CDH19: variants seen among roughly 807,000 people sequenced by gnomAD.
The protein encoded by CDH19 is cadherin 19.
CDH19 carries 67 observed loss-of-function variants against 64.2 expected under a neutral mutation model. The observed-to-expected ratio is 1.04, with a 90% CI of 0.86 to 1.28. The LOEUF (loss-of-function observed/expected upper bound fraction) is 1.28, where lower values mean the gene tolerates loss of function less well. Ranked by LOEUF, CDH19 falls within the 50% of genes most tolerant of loss-of-function variation. CDH19 has a pLI of 0.00. For missense variants in CDH19, 1,030 were observed against 929.0 expected (o/e 1.11, Z -1.41); for synonymous variants, 346 against 319.3 (o/e 1.08, Z -0.89).
chr18:66,538,743 T>C (rs1164787734), intron 7 of CDH19, among the ~76,000 whole-genome samples: 2 of 152,128 alleles, frequency 1.3e-5, no homozygotes, highest in Non-Finnish European at 2.9e-5. Flanking sequence ...TTGAAGCCTG[T>C]AGGGGTGAAT....
chr18:66,587,241 T>A (rs1329054769), intron 1 of CDH19, among the ~76,000 whole-genome samples: 1 of 152,130 alleles, frequency 6.6e-6, no homozygotes, highest in East Asian at 1.9e-4. Flanking sequence ...TTGCCTGTGT[T>A]AGGAGTGTCA....
At position 66,552,506 on chromosome 18, in the gene CDH19, G is replaced by T. The variant is rs540904596; in HGVS notation, c.611-1248C>A. Among the ~76,000 whole-genome samples the T allele has an allele frequency of 6.7e-5, 6 of 88,960 alleles. 1 individual carries two copies. The highest frequency in any genetic ancestry group is 1.0e-4 in the Non-Finnish European group (5 of 49,066). 58.4% of individuals were successfully genotyped at this position (88,960 alleles called of 152,430 possible). Reference sequence around the variant, plus strand: ...ATCAATTATTTGAATCCAATGGAAAGCATTCAATATGTTGCACAAGTGCTG... The same window carrying T: ...ATCAATTATTTGAATCCAATGGAAATCATTCAATATGTTGCACAAGTGCTG... On this transcript the variant is annotated intron_variant, in intron 4 of 11. Transcript: ENST00000262150.
chr18:66,518,271 T>C (rs942882958), intron 9 of CDH19, among the ~76,000 whole-genome samples: 1 of 152,154 alleles, frequency 6.6e-6, no homozygotes, highest in Non-Finnish European at 1.5e-5. Flanking sequence ...TTCACTCTTG[T>C]CACTCAGGCT....
chr18:66,562,111 AT>A (rs983434008), intron 3 of CDH19, among the ~76,000 whole-genome samples: 37 of 151,744 alleles, frequency 2.4e-4, no homozygotes, highest in African/African-American at 8.0e-4. Context: ...GTGGAAGACA[AT>A]TTTTCCATGG....
Position 66,505,321 on chromosome 18 carries a change from C to A in CDH19, c.1829-19G>T. On this transcript the variant is annotated intron_variant, in intron 11 of 11. Transcript: ENST00000262150. Reference sequence around the variant, plus strand: ...ATAAACCCTGATGAAGAAAGCACATCAGAATATCAATAAACAATAAAGAGT... The same window carrying A: ...ATAAACCCTGATGAAGAAAGCACATAAGAATATCAATAAACAATAAAGAGT... 6.6e-7 allele frequency: 1 copy of A among 1,516,990 alleles called. No homozygotes were observed. Among genetic ancestry groups the A allele is most frequent in the South Asian group, 1.3e-5 (1 of 74,286 alleles). The allele number at this position is 1,516,990 out of a possible 1,614,324, so 94.0% of individuals were successfully genotyped here. A position where few individuals can be genotyped will look rare whatever the true frequency, so the allele number is the denominator to read the frequency against.
At chr18:66,559,668 T>A (rs1035514871) in intron 3 of CDH19, among the ~76,000 whole-genome samples, 63 of 138,396 alleles carry the variant, frequency 4.6e-4, no homozygotes, top group African/African-American at 1.4e-3. Flanking sequence ...GTGCATTTTT[T>A]AATATATGAA....
chr18:66,549,924 A>G (rs1987278610), intron 5 of CDH19, among the ~76,000 whole-genome samples: 1 of 152,148 alleles, frequency 6.6e-6, no homozygotes, highest in African/African-American at 2.4e-5. Context: ...AGTCAGTGAA[A>G]GTAGCATTTC....
chr18:66,556,139 C>T (rs1362680933), intron 3 of CDH19, among the ~76,000 whole-genome samples: 1 of 151,202 alleles, frequency 6.6e-6, no homozygotes, highest in African/African-American at 2.4e-5. Context: ...TTTTAGCATG[C>T]TTTTTCTATA....
chr18:66,603,354 T>C (rs1989083734), intron 1 of CDH19, among the ~76,000 whole-genome samples: 1 of 151,436 alleles, frequency 6.6e-6, no homozygotes, highest in Admixed American at 6.6e-5. Context: ...GAAATTACCT[T>C]TTGTGTTATG....
chr18:66,528,664 G>T (rs2144410548), intron 9 of CDH19, among the ~76,000 whole-genome samples: 1 of 152,086 alleles, frequency 6.6e-6, no homozygotes, highest in East Asian at 1.9e-4. Flanking sequence ...AAGAAATATT[G>T]ACAATTTTCA....
chr18:66,542,930 G>A (rs879431782), intron 7 of CDH19, among the ~76,000 whole-genome samples: 4 of 152,236 alleles, frequency 2.6e-5, no homozygotes, highest in Non-Finnish European at 5.9e-5. Flanking sequence ...GTCTTCCACC[G>A]AACTGGTTCC....
intron 7 of CDH19, among the ~76,000 whole-genome samples, chr18:66,535,615 T>TTATA (rs201851705): frequency 1.8e-4 from 26 of 144,466 alleles, no homozygotes; most frequent in African/African-American, 3.8e-4. Flanking sequence ...TCCAAAATAT[T>TTATA]TATATATATA....
chr18:66,552,262 A>C (rs1987371431), intron 4 of CDH19, among the ~76,000 whole-genome samples: 1 of 152,202 alleles, frequency 6.6e-6, no homozygotes, highest in South Asian at 2.1e-4. Context: ...ATGACATATG[A>C]GTATAAAATG....
At chr18:66,535,297 C>T (rs969156559) in intron 7 of CDH19, among the ~76,000 whole-genome samples, 190 bp from the exon 8 acceptor site, 8 of 151,470 alleles carry the variant, frequency 5.3e-5, no homozygotes, top group South Asian at 4.1e-4. Context: ...GAAAAAAAGA[C>T]GTAACATGAC....
chr18:66,552,754 A>C (rs1182041076), intron 4 of CDH19, among the ~76,000 whole-genome samples: 1 of 134,736 alleles, frequency 7.4e-6, no homozygotes, highest in African/African-American at 3.4e-5. Context: ...GTAATAGTTT[A>C]GCTAACCTGC....
At chr18:66,597,242 A>G (rs2144642441) in intron 1 of CDH19, among the ~76,000 whole-genome samples, 1 of 151,670 alleles carries the variant, frequency 6.6e-6, no homozygotes, top group Middle Eastern at 3.4e-3. Context: ...TTAAAACAGT[A>G]TGGTACTGGT....
At chr18:66,599,136 A>C (rs931107838) in intron 1 of CDH19, among the ~76,000 whole-genome samples, 3 of 151,982 alleles carry the variant, frequency 2.0e-5, no homozygotes, top group African/African-American at 7.2e-5. Context: ...TATTTTGTTG[A>C]GTTTATTCAG....
chr18:66,574,207 A>G (rs925930356), intron 1 of CDH19, among the ~76,000 whole-genome samples: 7 of 151,560 alleles, frequency 4.6e-5, no homozygotes, highest in African/African-American at 1.7e-4. Flanking sequence ...TAATTGTATC[A>G]CTGTTGTGTG....
chr18:66,598,681 T>G (rs529892665), intron 1 of CDH19, among the ~76,000 whole-genome samples: 1 of 151,946 alleles, frequency 6.6e-6, no homozygotes, highest in African/African-American at 2.4e-5. Flanking sequence ...CTAACCTACT[T>G]CAGGGTGGGG....
Sources: allele counts gnomAD v4.1 joint callset (sites outside exome capture counted in the v4.1 genomes callset), GRCh38; gene constraint gnomAD v4.1.1; transcripts MANE v1.5; gene names NCBI Gene and HGNC (gene_info 2026-07-23, HGNC 2026-07-21).